ATXN2: variants seen among roughly 807,000 people sequenced by gnomAD.
ATXN2 encodes the protein ataxin 2.
In ATXN2, 37 loss-of-function variants were observed where a neutral mutation model predicts 138.6. That is an observed-to-expected ratio of 0.27 (90% confidence interval 0.21 to 0.35). ATXN2 has a LOEUF of 0.35. ATXN2 is among the 10% of genes least tolerant of loss of function. ATXN2 has a pLI of 1.00. For missense variants in ATXN2, 1,216 were observed against 1,480.3 expected (o/e 0.82, Z 2.93); for synonymous variants, 549 against 543.7 (o/e 1.01, Z -0.13).
chr12:111,509,705 AATAAGAT>A, intron 13 of ATXN2, 86 bp from the exon 14 acceptor site: 4 of 956,454 alleles, frequency 4.2e-6, no homozygotes, highest in Non-Finnish European at 4.7e-6. Flanking sequence ...TAGAAATTAG[AATAAGAT>A]ATAAGATCAG....
intron 10 of ATXN2, among the ~76,000 whole-genome samples, chr12:111,515,416 G>C (rs566396718): frequency 2.6e-5 from 4 of 152,176 alleles, no homozygotes; most frequent in Admixed American, 2.6e-4. Context: ...ACATATCCCT[G>C]TATTTGATAT....
Position 111,520,882 on chromosome 12 carries a change from G to A in ATXN2, c.788C>T (p.Thr263Ile), listed in dbSNP as rs1281319412. Reference sequence around the variant, plus strand: ...ATAAAAACAAACTTTTCAAACTTACGTATACGAAGATAAACTGCTATCATA... The same window carrying A: ...ATAAAAACAAACTTTTCAAACTTACATATACGAAGATAAACTGCTATCATA... Reference protein sequence around the residue: ...STYDSSLSSYTVPLERDNSEE... With the variant: ...STYDSSLSSYIVPLERDNSEE... The change falls in exon 7 of 25, where the codon ACA (threonine) becomes ATA (isoleucine). Residue 263 changes from threonine to isoleucine, a missense_variant and splice_region_variant. Coordinates refer to ENST00000673436, the MANE Select transcript of ATXN2 (RefSeq NM_001372574.1). 2.6e-6 allele frequency: 4 copies of A among 1,536,600 alleles called. No individual in the cohort carries two copies. The highest frequency in any genetic ancestry group is 2.6e-6 in the Non-Finnish European group (3 of 1,132,636).
intron 18 of ATXN2, among the ~76,000 whole-genome samples, chr12:111,473,677 T>C (rs564657327): frequency 1.3e-5 from 2 of 151,554 alleles, no homozygotes; most frequent in Non-Finnish European, 2.9e-5. Flanking sequence ...AGATAAAACA[T>C]CTAGGAACTC....
At chr12:111,463,412 C>T (rs748009011) in intron 21 of ATXN2, among the ~76,000 whole-genome samples, 7 of 151,952 alleles carry the variant, frequency 4.6e-5, no homozygotes, top group East Asian at 1.9e-4. Context: ...CTTGTGCCTC[C>T]GCCTCCCAAG....
At chr12:111,480,235 G>T (rs1877132655) in intron 18 of ATXN2, among the ~76,000 whole-genome samples, 1 of 152,130 alleles carries the variant, frequency 6.6e-6, no homozygotes, top group Non-Finnish European at 1.5e-5. Flanking sequence ...AACATAAAAA[G>T]ATGAGCATTT....
chr12:111,485,959 C>T (rs932332210), intron 16 of ATXN2, 94 bp from the exon 17 acceptor site: 2 of 1,232,474 alleles, frequency 1.6e-6, no homozygotes, highest in Non-Finnish European at 2.2e-6. Flanking sequence ...TCTAATTTTA[C>T]TTGCTTTAAC....
intron 18 of ATXN2, among the ~76,000 whole-genome samples, chr12:111,483,230 C>A (rs1239509925): frequency 6.7e-6 from 1 of 148,752 alleles, no homozygotes; most frequent in East Asian, 1.9e-4. Flanking sequence ...CACACACACA[C>A]ACACACACAA....
chr12:111,509,768 A>G, intron 13 of ATXN2, 123 bp downstream of exon 13: 1 of 957,116 alleles, frequency 1.0e-6, no homozygotes, highest in African/African-American at 1.7e-5. Context: ...TTTGTCAAGC[A>G]ATACATTTAT....
intron 1 of ATXN2, among the ~76,000 whole-genome samples, chr12:111,564,636 C>G (rs987029732): frequency 1.3e-5 from 2 of 150,878 alleles, no homozygotes; most frequent in South Asian, 4.2e-4. Flanking sequence ...AATTAAAAAT[C>G]AAGCAGAGCC....
rs555427878 is a variant in ATXN2 at position 111,574,287 on chromosome 12, G to A, written c.252-18368C>T. Among the ~76,000 whole-genome samples the A allele has an allele frequency of 3.9e-4, 44 of 111,566 alleles. 3 individuals carry two copies. The South Asian group carries it at 0.014, about 35-fold the overall frequency. 73.2% of individuals were successfully genotyped at this position (111,566 alleles called of 152,430 possible). ...CGCACCACTGCACTCCAGCCTGGGC[G>A]ACAGAGCAAGACTCTGTCTCCAAAA... On this transcript the variant is annotated intron_variant, in intron 1 of 24. Transcript: ENST00000673436.
At position 111,518,422 on chromosome 12, in the gene ATXN2, T is replaced by C. The variant is rs117851901; in HGVS notation, c.992A>G (p.Asn331Ser). The change falls in exon 9 of 25, where the codon AAT (asparagine) becomes AGT (serine). Residue 331 changes from asparagine to serine, a missense_variant. By Grantham distance (46) the Asn-to-Ser change is conservative (BLOSUM62 1). Around this residue, in one of 4 missense-constraint regions of ATXN2, gnomAD observed 401 missense variants for 528.1 expected, o/e 0.76. Coordinates refer to ENST00000673436, the MANE Select transcript of ATXN2 (RefSeq NM_001372574.1). ...REGHSINTRE[N>S]KYIPPGQRNR... is the part of the protein sequence containing the mutation. ...TCTTTGTCCAGGAGGAATATATTTA[T>C]TTTCCCTGAAAATGAGAGATCCTCT... 2.4e-3 allele frequency: 3,846 copies of C among 1,596,640 alleles called. 14 individuals are homozygous for C. The highest frequency in any genetic ancestry group is 3.1e-3 in the Non-Finnish European group (3,626 of 1,170,040).
intron 5 of ATXN2, among the ~76,000 whole-genome samples, chr12:111,549,586 G>A (rs1046102543): frequency 2.0e-5 from 3 of 151,816 alleles, no homozygotes; most frequent in South Asian, 4.1e-4. Flanking sequence ...TTCTAAAATG[G>A]TTTTCTCCAT....
At position 111,598,031 on chromosome 12, in the gene ATXN2, C is replaced by A. The variant is rs1430367078; in HGVS notation, c.251+753G>T. On this transcript the variant is annotated intron_variant, in intron 1 of 24. Transcript: ENST00000673436. This position sits in a 1 kb window ranked among gnomAD's most constrained non-coding sequence, Gnocchi z 4.5. ...GGAGGAAGGCCGGGACGGGGCCGGG[C>A]ACTCCCCACCCCTTCCCTTCCCCAG... 3.4e-6 allele frequency: 4 copies of A among 1,183,976 alleles called. No individual in the cohort carries two copies. The highest frequency in any genetic ancestry group is 4.3e-6 in the Non-Finnish European group (4 of 938,036). The allele number at this position is 1,183,976 out of a possible 1,614,324, so 73.3% of individuals were successfully genotyped here.
chr12:111,583,684 T>C (rs568277326), intron 1 of ATXN2, among the ~76,000 whole-genome samples: 2 of 145,444 alleles, frequency 1.4e-5, no homozygotes, highest in African/African-American at 2.5e-5. Context: ...GGAGAATCAC[T>C]TGAACACAGG....
chr12:111,516,243 G>A lies in ATXN2; in HGVS notation c.1286C>T (p.Pro429Leu). Residue 429 changes from proline (P) to leucine (L), a missense_variant, in exon 10 of 25, where the codon CCC (proline) becomes CTC (leucine). By Grantham distance (98) the Pro-to-Leu change is moderately conservative. This residue lies in a region of ATXN2 where 401 missense variants were observed against 528.1 expected (regional missense o/e 0.76). Coordinates refer to ENST00000673436, the MANE Select transcript of ATXN2 (RefSeq NM_001372574.1). The surrounding 1 kb of genome is among the most constrained non-coding windows in gnomAD (Gnocchi z 5.0). ...ATPTRPPSRPPSRPSRPPSHP... is the reference protein window; with the variant it reads ...ATPTRPPSRPLSRPSRPPSHP... ...AGACGGGGGTCTGGATGGCCGCGAG[G>A]GGGGCCTGGAGGGCGGCCGTGTAGG... is the stretch of plus-strand genomic sequence containing the variant. 6.4e-7 allele frequency: 1 copy of A among 1,570,252 alleles called. No individual in the cohort carries two copies. The highest frequency in any genetic ancestry group is 8.6e-7 in the Non-Finnish European group (1 of 1,164,592).
At position 111,598,993 on chromosome 12, in the gene ATXN2, C is replaced by CTGCTGT. The variant is rs1555246708; in HGVS notation, c.41_42insACAGCA (p.Gln27_Gln28dup). ...GCTGCTGCTGTTGCTGCTGCTGCTG[C>CTGCTGT]TGCTGCTGCTGCTGCTGCTGCTGCT... On this transcript the variant is annotated inframe_insertion, in exon 1 of 25. Transcript: ENST00000673436. The surrounding 1 kb of genome is among the most constrained non-coding windows in gnomAD (Gnocchi z 4.5). 3.1e-4 allele frequency: 457 copies of CTGCTGT among 1,479,904 alleles called. 3 individuals are homozygous for CTGCTGT. The African/African-American group carries it at 5.8e-3, about 19-fold the overall frequency. The allele number at this position is 1,479,904 out of a possible 1,614,324, so 91.7% of individuals were successfully genotyped here.
chr12:111,508,476 T>G (rs1386850139), intron 14 of ATXN2, among the ~76,000 whole-genome samples: 2 of 146,070 alleles, frequency 1.4e-5, no homozygotes, highest in African/African-American at 2.6e-5. Flanking sequence ...AGATGCAGTC[T>G]TGCTCTGTCG....
chr12:111,598,602 G>C lies in ATXN2; in HGVS notation c.251+182C>G, dbSNP rs1316679480. ...GCTGGACAGGCCTGACAATCCCAGAGGACCCCGGCTGCGCCCACCGGCCGA... is the reference window on the plus strand; with the variant it reads ...GCTGGACAGGCCTGACAATCCCAGACGACCCCGGCTGCGCCCACCGGCCGA... On this transcript the variant is annotated intron_variant, in intron 1 of 24. Coordinates refer to ENST00000673436, the MANE Select transcript of ATXN2 (RefSeq NM_001372574.1). The surrounding 1 kb of genome is among the most constrained non-coding windows in gnomAD (Gnocchi z 4.5). 1 of 975,922 alleles carries C rather than the reference G, an allele frequency of 1.0e-6. No homozygotes were observed. The highest frequency in any genetic ancestry group is 1.1e-4 in the East Asian group (1 of 8,774). The allele number at this position is 975,922 out of a possible 1,614,324, so 60.5% of individuals were successfully genotyped here.
Position 111,599,092 on chromosome 12 carries a change from C to T in ATXN2, c.-58G>A. ...GGCGGGGACAGCCGGGAGCCGGGCG[C>T]GCCAAGGAGACGCCGGAACGCGGCG... On this transcript the variant is annotated 5_prime_UTR_variant, in exon 1 of 25. Transcript: ENST00000673436. 3.8e-6 allele frequency: 5 copies of T among 1,332,626 alleles called. No homozygotes were observed. Among genetic ancestry groups the T allele is most frequent in the Non-Finnish European group, 4.8e-6 (5 of 1,040,526 alleles). 82.6% of individuals were successfully genotyped at this position (1,332,626 alleles called of 1,614,324 possible).
Sources: gnomAD v4.1 joint callset for allele counts (sites outside exome capture counted in the v4.1 genomes callset) on GRCh38, gnomAD v4.1.1 for gene constraint, gnomAD v4.1.1 regional missense constraint, Gnocchi (gnomAD v3.1) non-coding constraint, MANE v1.5 for transcripts, NCBI Gene and HGNC (gene_info 2026-07-23, HGNC 2026-07-21) for gene names.